Variants in KCNB2 observed in about 807,000 individuals in gnomAD.
KCNB2 encodes the protein potassium voltage-gated channel subfamily B member 2.
A neutral mutation model predicts 61.5 loss-of-function variants in KCNB2; 15 were observed. The observed-to-expected ratio is 0.24, with a 90% CI of 0.16 to 0.38. KCNB2 has a LOEUF of 0.38. Ranked by LOEUF, KCNB2 falls within the 10% of genes least tolerant of loss-of-function variation. The pLI is 1.00. For missense variants in KCNB2, 828 were observed against 1,125.2 expected (o/e 0.74, Z 3.78); for synonymous variants, 457 against 446.0 (o/e 1.02, Z -0.31).
intron 1 of KCNB2, among the ~76,000 whole-genome samples, chr8:72,561,160 ATTT>A (rs757402090): frequency 1.4e-5 from 2 of 143,034 alleles, no homozygotes; most frequent in Non-Finnish European, 3.1e-5. Flanking sequence ...AAAAGTTCTA[ATTT>A]TTTTTTTTTT....
At chr8:72,806,397 G>T (rs1809223040) in intron 2 of KCNB2, among the ~76,000 whole-genome samples, 2 of 148,004 alleles carry the variant, frequency 1.4e-5, no homozygotes, top group African/African-American at 5.0e-5. Context: ...AGGATCAGGA[G>T]ATCCAGACCA....
intron 2 of KCNB2, among the ~76,000 whole-genome samples, chr8:72,668,069 G>T (rs1332376559): frequency 6.6e-6 from 1 of 152,180 alleles, no homozygotes; most frequent in Non-Finnish European, 1.5e-5. Flanking sequence ...ATCAACAAAA[G>T]AAAAAGACAC....
chr8:72,884,710 CTA>C (rs1805773175), intron 2 of KCNB2, among the ~76,000 whole-genome samples: 1 of 152,038 alleles, frequency 6.6e-6, no homozygotes, highest in African/African-American at 2.4e-5. Flanking sequence ...CACCTCTATC[CTA>C]TATGTATTTT....
At chr8:72,850,446 C>T (rs921666934) in intron 2 of KCNB2, among the ~76,000 whole-genome samples, 1 of 152,112 alleles carries the variant, frequency 6.6e-6, no homozygotes, top group Non-Finnish European at 1.5e-5. Context: ...GCCCTGAACT[C>T]CTGGGCTTAA....
intron 2 of KCNB2, among the ~76,000 whole-genome samples, chr8:72,591,704 T>C (rs1160706996): frequency 6.6e-6 from 1 of 152,092 alleles, no homozygotes; most frequent in African/African-American, 2.4e-5. Flanking sequence ...ATAGAGAAAA[T>C]TCACTGAAGG....
At chr8:72,860,225 C>T (rs1417688186) in intron 2 of KCNB2, among the ~76,000 whole-genome samples, 2 of 152,082 alleles carry the variant, frequency 1.3e-5, no homozygotes, top group Non-Finnish European at 2.9e-5. Context: ...TCATATGGCA[C>T]CTTCTGTTTC....
intron 2 of KCNB2, among the ~76,000 whole-genome samples, chr8:72,754,432 A>C (rs1808251374): frequency 6.6e-6 from 1 of 152,158 alleles, no homozygotes; most frequent in Non-Finnish European, 1.5e-5. Context: ...ACAGGAGTCT[A>C]GTCTGCAGGT....
At chr8:72,645,055 A>G (rs534771068) in intron 2 of KCNB2, among the ~76,000 whole-genome samples, 1 of 152,244 alleles carries the variant, frequency 6.6e-6, no homozygotes, top group South Asian at 2.1e-4. Flanking sequence ...GAAACATTAT[A>G]TTTGTGATCT....
intron 2 of KCNB2, among the ~76,000 whole-genome samples, chr8:72,598,788 G>A (rs1807240765): frequency 6.6e-6 from 1 of 152,152 alleles, no homozygotes; most frequent in Non-Finnish European, 1.5e-5. Context: ...AAAATCACAA[G>A]CATTCTTATA....
intron 2 of KCNB2, among the ~76,000 whole-genome samples, chr8:72,662,709 G>C (rs544339084): frequency 3.9e-5 from 6 of 152,118 alleles, no homozygotes; most frequent in Non-Finnish European, 2.9e-5. Context: ...CTGTGCTCTC[G>C]GTTCTTCCTT....
At chr8:72,675,809 C>T (rs1563556254) in intron 2 of KCNB2, among the ~76,000 whole-genome samples, 1 of 152,172 alleles carries the variant, frequency 6.6e-6, no homozygotes, top group African/African-American at 2.4e-5. Context: ...GCCTCGGCCT[C>T]CCAAAGTGCT....
Position 72,699,126 on chromosome 8 carries a change from ATAATC to A in KCNB2, c.579+130816_579+130820del, listed in dbSNP as rs58523787. On this transcript the variant is annotated intron_variant, in intron 2 of 2. Coordinates refer to ENST00000523207, the MANE Select transcript of KCNB2 (RefSeq NM_004770.3). ...TGTAACTGACAAAGGTATGACATCTATAATCTATAAGGAACTTAAAGAATTCAATA... is the reference window on the plus strand; with the variant it reads ...TGTAACTGACAAAGGTATGACATCTATATAAGGAACTTAAAGAATTCAATA... Among the ~76,000 whole-genome samples the A allele has an allele frequency of 1.9e-3, 296 of 152,334 alleles. 4 individuals carry two copies. The highest frequency in any genetic ancestry group is 6.8e-3 in the African/African-American group (284 of 41,592).
chr8:72,663,438 C>T (rs181068086), intron 2 of KCNB2, among the ~76,000 whole-genome samples: 3 of 152,230 alleles, frequency 2.0e-5, no homozygotes, highest in African/African-American at 7.2e-5. Flanking sequence ...TGGAGTTTTG[C>T]ACACTGCTTC....
chr8:72,671,932 C>A (rs1321588432), intron 2 of KCNB2, among the ~76,000 whole-genome samples: 2 of 152,120 alleles, frequency 1.3e-5, no homozygotes, highest in African/African-American at 4.8e-5. Flanking sequence ...TGTAACATGT[C>A]CTAGACATGT....
intron 2 of KCNB2, among the ~76,000 whole-genome samples, chr8:72,692,019 G>A (rs1196565782): frequency 3.9e-5 from 6 of 151,956 alleles, no homozygotes; most frequent in East Asian, 1.9e-4. Flanking sequence ...GGCAGATCAC[G>A]AAGTCAGGAG....
At chr8:72,865,244 T>C (rs147004551) in intron 2 of KCNB2, among the ~76,000 whole-genome samples, 14 of 152,214 alleles carry the variant, frequency 9.2e-5, no homozygotes, top group African/African-American at 3.4e-4. Flanking sequence ...CCCCATCGCT[T>C]ACTATTGTCC....
rs374172015 is a variant in KCNB2, at chr8:72,864,068, A to G, written c.580-71867A>G. Among the ~76,000 whole-genome samples, 186 of 152,272 alleles carry G rather than the reference A, an allele frequency of 1.2e-3. 6 individuals carry two copies. In the South Asian group the frequency reaches 0.037, roughly 30 times the overall value. On this transcript the variant is annotated intron_variant, in intron 2 of 2. Coordinates refer to ENST00000523207, the MANE Select transcript of KCNB2 (RefSeq NM_004770.3). ...ACTTACCCACGTGACAGAGGAGGGA[A>G]AAACCACTGATTTCTCAAACCAAAC...
chr8:72,610,835 A>G (rs148141672), intron 2 of KCNB2, among the ~76,000 whole-genome samples: 1 of 152,222 alleles, frequency 6.6e-6, no homozygotes, highest in African/African-American at 2.4e-5. Flanking sequence ...TTAAAAACAT[A>G]TAAAAGCAAG....
At position 72,554,183 on chromosome 8, in the gene KCNB2, A is replaced by G. The variant is rs1806386508; in HGVS notation, c.-93-13459A>G. Among the ~76,000 whole-genome samples the G allele has an allele frequency of 1.3e-5, 2 of 152,090 alleles. 1 individual carries two copies. Among genetic ancestry groups the G allele is most frequent in the African/African-American group, 4.8e-5 (2 of 41,422 alleles). ...GAACACAAAACCAAAAGTTCCTGTA[A>G]TATTCTTTGCGGTGATCCTGTGGGT... On this transcript the variant is annotated intron_variant, in intron 1 of 2. Transcript: ENST00000523207.
Sources: allele counts gnomAD v4.1 joint callset (sites outside exome capture counted in the v4.1 genomes callset), GRCh38; gene constraint gnomAD v4.1.1; transcripts MANE v1.5; gene names NCBI Gene and HGNC (gene_info 2026-07-23, HGNC 2026-07-21).